MSH3: variants seen among roughly 807,000 people sequenced by gnomAD.
MSH3 encodes DNA mismatch repair protein Msh3.
Under a neutral mutation model 123.3 loss-of-function variants are expected in MSH3, and 106 were observed. The ratio of observed to expected loss-of-function variants is 0.86; its 90% CI spans 0.73 to 1.01. MSH3 has a LOEUF of 1.01. Among genes scored for constraint, MSH3 ranks in the 50% least tolerant of loss-of-function variants. The probability of loss-of-function intolerance (pLI) is 0.00; values close to 1 mark genes in which losing one functional copy is unlikely to be tolerated. For synonymous variants in MSH3, 515 were observed against 481.4 expected (o/e 1.07, Z -0.91); for missense variants, 1,459 against 1,347.6 (o/e 1.08, Z -1.29).
chr5:80,740,889 G>T (rs1743601348), intron 10 of MSH3, among the ~76,000 whole-genome samples: 2 of 151,358 alleles, frequency 1.3e-5, no homozygotes, highest in Non-Finnish European at 2.9e-5. Flanking sequence ...TAATTTTTAT[G>T]TTTTTTAGTA....
At position 80,672,851 on chromosome 5, in the gene MSH3, T is replaced by G; in HGVS notation, c.1020T>G (p.Ile340Met). ...LTALYTKSTL[I>M]GEDVNPLIKL... is the part of the protein sequence containing the mutation. ...CCCTTTATACAAAATCTACACTTATTGGAGAAGATATCCTTTTTGGACGGG... is the reference window on the plus strand; with the variant it reads ...CCCTTTATACAAAATCTACACTTATGGGAGAAGATATCCTTTTTGGACGGG... The change falls in exon 6 of 24, where the codon ATT becomes ATG. Residue 340 changes from isoleucine to methionine, a missense_variant. Coordinates refer to ENST00000265081, the MANE Select transcript of MSH3 (RefSeq NM_002439.5). 6.2e-7 allele frequency: 1 copy of G among 1,605,664 alleles called. No individual in the cohort carries two copies.
chr5:80,681,567 ATAAATGG>A (rs1331110469), intron 8 of MSH3, among the ~76,000 whole-genome samples: 14 of 151,830 alleles, frequency 9.2e-5, no homozygotes, highest in Non-Finnish European at 1.3e-4. Flanking sequence ...ATAAATTATG[ATAAATGG>A]ATAAATTATG....
At chr5:80,722,939 T>C (rs925742988) in intron 8 of MSH3, among the ~76,000 whole-genome samples, 2 of 151,996 alleles carry the variant, frequency 1.3e-5, no homozygotes, top group Non-Finnish European at 2.9e-5. Context: ...ACCCTGTATC[T>C]ACTAAAAATA....
intron 13 of MSH3, among the ~76,000 whole-genome samples, chr5:80,762,334 ACT>A (rs1271233598): frequency 6.6e-6 from 1 of 151,928 alleles, no homozygotes. Flanking sequence ...CATACCTTAT[ACT>A]CTTTGTTCCT....
At chr5:80,729,454 GTGTGTGTATA>G (rs1379873418) in intron 10 of MSH3, among the ~76,000 whole-genome samples, 6 of 132,504 alleles carry the variant, frequency 4.5e-5, no homozygotes, top group African/African-American at 8.4e-5. Flanking sequence ...GTGTGTGTGT[GTGTGTGTATA>G]TATATATATA....
chr5:80,833,881 C>G lies in MSH3; in HGVS notation c.2813+20140C>G, dbSNP rs569842755. Among the ~76,000 whole-genome samples the G allele has an allele frequency of 8.2e-3, 1,254 of 152,078 alleles. 22 individuals are homozygous for G. Among genetic ancestry groups the G allele is most frequent in the African/African-American group, 0.029 (1,198 of 41,472 alleles). On this transcript the variant is annotated intron_variant, in intron 20 of 23. Coordinates refer to ENST00000265081, the MANE Select transcript of MSH3 (RefSeq NM_002439.5). ...TAAGAGAAGAGAATGGTATCAAAGA[C>G]TCTGGATCAGAGAGAAAATAAGAAT... is the stretch of plus-strand genomic sequence containing the variant.
At chr5:80,688,271 A>G (rs1367868593) in intron 8 of MSH3, among the ~76,000 whole-genome samples, 4 of 152,254 alleles carry the variant, frequency 2.6e-5, no homozygotes, top group African/African-American at 9.6e-5. Flanking sequence ...AGATTTAAAG[A>G]AAACATTGAA....
intron 11 of MSH3, among the ~76,000 whole-genome samples, chr5:80,742,811 G>A (rs138300821): frequency 2.0e-5 from 3 of 152,224 alleles, no homozygotes; most frequent in African/African-American, 7.2e-5. Flanking sequence ...GACATTTCTC[G>A]GCTGAAGGAG....
chr5:80,783,027 T>C (rs924509610), intron 17 of MSH3, among the ~76,000 whole-genome samples: 2 of 152,230 alleles, frequency 1.3e-5, no homozygotes, highest in African/African-American at 4.8e-5. Flanking sequence ...ATCTTCTCAA[T>C]TGCAAATTAT....
At chr5:80,784,344 C>A (rs1744466767) in intron 17 of MSH3, among the ~76,000 whole-genome samples, 1 of 151,428 alleles carries the variant, frequency 6.6e-6, no homozygotes, top group Non-Finnish European at 1.5e-5. Flanking sequence ...ACTCTAAACA[C>A]CCAGGGCAGT....
rs1228271510 is a variant in MSH3, at chr5:80,823,749, G to T, written c.2813+10008G>T. Among the ~76,000 whole-genome samples, 3 of 152,078 alleles carry T rather than the reference G, an allele frequency of 2.0e-5. No homozygotes were observed. The East Asian group carries it at 5.8e-4, about 29-fold the overall frequency. ...TTCTTGGGTGTTTCTCGCAGAGGGG[G>T]ATTTGGCAGGGTCATAGGACAATAG... On this transcript the variant is annotated intron_variant, in intron 20 of 23. Coordinates refer to ENST00000265081, the MANE Select transcript of MSH3 (RefSeq NM_002439.5).
Position 80,876,230 on chromosome 5 carries a change from G to T in MSH3, c.*368G>T. 3.8e-6 allele frequency: 1 copy of T among 262,544 alleles called. No individual in the cohort carries two copies. The highest frequency in any genetic ancestry group is 7.3e-6 in the Non-Finnish European group (1 of 137,078). 16.3% of individuals were successfully genotyped at this position (262,544 alleles called of 1,614,324 possible). On this transcript the variant is annotated 3_prime_UTR_variant, in exon 24 of 24. Transcript: ENST00000265081. Reference sequence around the variant, plus strand: ...GATAATTGGCAACTGGGTGAATCTGGCAGGAATCTATCCATTGAACTAAAA... The same window carrying T: ...GATAATTGGCAACTGGGTGAATCTGTCAGGAATCTATCCATTGAACTAAAA...
At chr5:80,680,033 G>A (rs1342041321) in intron 8 of MSH3, among the ~76,000 whole-genome samples, 6 of 151,942 alleles carry the variant, frequency 3.9e-5, no homozygotes, top group Non-Finnish European at 7.4e-5. Flanking sequence ...AGGCTGAGGC[G>A]GGTGGATCAC....
chr5:80,856,839 G>A (rs934264807), intron 21 of MSH3, among the ~76,000 whole-genome samples: 10 of 152,030 alleles, frequency 6.6e-5, no homozygotes, highest in Non-Finnish European at 1.0e-4. Flanking sequence ...TCCTACATAG[G>A]CAGTCATGTC....
At chr5:80,839,351 G>C (rs1339177079) in intron 20 of MSH3, among the ~76,000 whole-genome samples, 1 of 152,202 alleles carries the variant, frequency 6.6e-6, no homozygotes, top group African/African-American at 2.4e-5. Context: ...CTGGACAACA[G>C]AGTGAGACTC....
chr5:80,782,760 G>A (rs1744432844), intron 17 of MSH3, among the ~76,000 whole-genome samples: 1 of 152,136 alleles, frequency 6.6e-6, no homozygotes, highest in Non-Finnish European at 1.5e-5. Flanking sequence ...ACTATTTATT[G>A]AGGTACCAGA....
At chr5:80,763,184 A>G (rs1456566608) in intron 13 of MSH3, among the ~76,000 whole-genome samples, 1 of 152,126 alleles carries the variant, frequency 6.6e-6, no homozygotes. Context: ...ATTTTTCATT[A>G]GTGTTTCTAT....
At chr5:80,739,572 G>T (rs953080504) in intron 10 of MSH3, among the ~76,000 whole-genome samples, 6 of 152,172 alleles carry the variant, frequency 3.9e-5, no homozygotes, top group African/African-American at 1.4e-4. Context: ...AACATAAATT[G>T]CTGTAATTCA....
chr5:80,673,758 A>G (rs758569300), intron 6 of MSH3, among the ~76,000 whole-genome samples: 1 of 152,188 alleles, frequency 6.6e-6, no homozygotes, highest in Admixed American at 6.5e-5. Context: ...ATTTACGGTC[A>G]TTTATAAATG....
Sources: allele counts gnomAD v4.1 joint callset (sites outside exome capture counted in the v4.1 genomes callset), GRCh38; gene constraint gnomAD v4.1.1; transcripts MANE v1.5; gene names NCBI Gene and HGNC (gene_info 2026-07-23, HGNC 2026-07-21).